The following LGR6 variants were observed in gnomAD, a reference collection of about 807,000 sequenced individuals.
LGR6 encodes leucine-rich repeat-containing G protein-coupled receptor 6.
LGR6 carries 45 observed loss-of-function variants against 69.4 expected under a neutral mutation model. That is an observed-to-expected ratio of 0.65 (90% CI 0.51 to 0.83). The LOEUF (loss-of-function observed/expected upper bound fraction) is 0.83, where lower values mean the gene tolerates loss of function less well. LGR6 is among the 40% of genes least tolerant of loss of function. The pLI, the probability that LGR6 is intolerant of heterozygous loss-of-function variation, is 0.00. For missense variants in LGR6, 1,108 were observed against 1,246.7 expected (o/e 0.89, Z 1.68); for synonymous variants, 538 against 555.0 (o/e 0.97, Z 0.43).
At chr1:202,229,334 C>T (rs1292682034) in intron 3 of LGR6, among the ~76,000 whole-genome samples, 2 of 152,214 alleles carry the variant, frequency 1.3e-5, no homozygotes, top group African/African-American at 2.4e-5. Context: ...CCCTGCCTCT[C>T]AGTTCTGCTT....
At position 202,319,161 on chromosome 1, in the gene LGR6, G is replaced by T. The variant is rs140962939; in HGVS notation, c.2858G>T (p.Gly953Val). 3 of 1,613,154 alleles carry T rather than the reference G, an allele frequency of 1.9e-6. No individual in the cohort carries two copies. Among genetic ancestry groups the T allele is most frequent in the Non-Finnish European group, 1.7e-6 (2 of 1,179,586 alleles). ...CCAGCAGGTGGAGGCTTGTCAGGGG[G>T]TGGCGGCTTTCAGCCCTCTGGCTTG... ...STPAGGGLSG[G>V]GGFQPSGLAF... The change falls in exon 18 of 18, where the codon GGT (glycine) becomes GTT (valine). Residue 953 changes from glycine (G) to valine (V), a missense_variant. Coordinates refer to ENST00000367278, the MANE Select transcript of LGR6 (RefSeq NM_001017403.2).
chr1:202,319,480 T>C lies in LGR6; in HGVS notation c.*273T>C, dbSNP rs1654459780. ...AGCTGTGGACCAGAGACCTGGACTT[T>C]TGTCTGCTTAAGGGAAATGAGGGAA... On this transcript the variant is annotated 3_prime_UTR_variant, in exon 18 of 18. Coordinates refer to ENST00000367278, the MANE Select transcript of LGR6 (RefSeq NM_001017403.2). 4.8e-6 allele frequency: 2 copies of C among 416,404 alleles called. No homozygotes were observed. The highest frequency in any genetic ancestry group is 5.0e-5 in the South Asian group (1 of 20,172). The allele number at this position is 416,404 out of a possible 1,614,324, so 25.8% of individuals were successfully genotyped here. A position where few individuals can be genotyped will look rare whatever the true frequency, so the allele number is the denominator to read the frequency against.
chr1:202,247,019 C>G (rs558211245), intron 4 of LGR6, among the ~76,000 whole-genome samples: 1 of 152,210 alleles, frequency 6.6e-6, no homozygotes, highest in Middle Eastern at 3.2e-3. Flanking sequence ...TGTGAGGGAC[C>G]CTTGAGGTCT....
intron 16 of LGR6, 114 bp from the exon 17 acceptor site, chr1:202,314,688 C>G: frequency 2.7e-6 from 2 of 735,178 alleles, no homozygotes; most frequent in African/African-American, 1.7e-5. Context: ...CTAGAATGAA[C>G]AGTGCTGAGC....
At chr1:202,297,790 G>C (rs1667274609) in intron 7 of LGR6, among the ~76,000 whole-genome samples, 1 of 152,002 alleles carries the variant, frequency 6.6e-6, no homozygotes, top group Non-Finnish European at 1.5e-5. Context: ...ACTTCCTGGG[G>C]GTGTGTCAAT....
chr1:202,198,291 T>C (rs1213291021), intron 1 of LGR6, among the ~76,000 whole-genome samples: 1 of 152,220 alleles, frequency 6.6e-6, no homozygotes, highest in African/African-American at 2.4e-5. Flanking sequence ...TTACTAACTA[T>C]GTAACCCCCA....
rs58243962 is a variant in LGR6 at position 202,295,327 on chromosome 1, CAAAAAAA to C, written c.717-2165_717-2159del. Among the ~76,000 whole-genome samples the C allele has an allele frequency of 1.5e-4, 7 of 45,560 alleles. No individual in the cohort carries two copies. In the South Asian group the frequency reaches 3.2e-3, roughly 21 times the overall value. 29.9% of individuals were successfully genotyped at this position (45,560 alleles called of 152,430 possible). Reference sequence around the variant, plus strand: ...CAGGCGACAGAGCAAGACTCCATCTCAAAAAAAAAAAAAAAAAAAAAAGACTTTTCAA... The same window carrying C: ...CAGGCGACAGAGCAAGACTCCATCTCAAAAAAAAAAAAAAAGACTTTTCAA... On this transcript the variant is annotated intron_variant, in intron 6 of 17. Transcript: ENST00000367278.
At chr1:202,266,121 AAT>A (rs1181474686) in intron 4 of LGR6, among the ~76,000 whole-genome samples, 3 of 151,778 alleles carry the variant, frequency 2.0e-5, no homozygotes, top group South Asian at 2.1e-4. Context: ...AAAAAAAAAA[AAT>A]AACAGGCAGC....
chr1:202,315,735 C>T (rs1654092669), intron 17 of LGR6, among the ~76,000 whole-genome samples: 1 of 152,244 alleles, frequency 6.6e-6, no homozygotes, highest in African/African-American at 2.4e-5. Context: ...AGAGTGATTG[C>T]CTGGCCTTGC....
chr1:202,197,897 G>A (rs1658700799), intron 1 of LGR6, among the ~76,000 whole-genome samples: 1 of 152,186 alleles, frequency 6.6e-6, no homozygotes, highest in South Asian at 2.1e-4. Context: ...AACAGATGGT[G>A]CCAGAAAAGG....
At position 202,193,872 on chromosome 1, in the gene LGR6, C is replaced by T. The variant is rs1658527722; in HGVS notation, c.-118C>T. The T allele has an allele frequency of 4.0e-6, 2 of 496,406 alleles. No homozygotes were observed. The highest frequency in any genetic ancestry group is 5.0e-5 in the East Asian group (1 of 19,920). The allele number at this position is 496,406 out of a possible 1,614,324, so 30.8% of individuals were successfully genotyped here. A position where few individuals can be genotyped will look rare whatever the true frequency, so the allele number is the denominator to read the frequency against. ...CCGCCGCCGCCGCCGCCCAATAGAGCCCCTGGGGCGGTCCCCACCGACGGT... is the reference window on the plus strand; with the variant it reads ...CCGCCGCCGCCGCCGCCCAATAGAGTCCCTGGGGCGGTCCCCACCGACGGT... On this transcript the variant is annotated 5_prime_UTR_variant, in exon 1 of 18. Coordinates refer to ENST00000367278, the MANE Select transcript of LGR6 (RefSeq NM_001017403.2).
intron 4 of LGR6, among the ~76,000 whole-genome samples, chr1:202,270,266 G>A (rs1039444187): frequency 2.0e-5 from 3 of 151,190 alleles, no homozygotes; most frequent in African/African-American, 4.9e-5. Flanking sequence ...TTTTGAGACA[G>A]AGTTTTGCTC....
intron 1 of LGR6, 49 bp from the exon 2 acceptor site, chr1:202,225,374 G>T: frequency 6.4e-7 from 1 of 1,554,310 alleles, no homozygotes; most frequent in South Asian, 1.1e-5. Flanking sequence ...AGTGCCAGAT[G>T]GCCCAAGTGG....
At chr1:202,206,335 G>C (rs770055583) in intron 1 of LGR6, among the ~76,000 whole-genome samples, 1 of 152,186 alleles carries the variant, frequency 6.6e-6, no homozygotes, top group Non-Finnish European at 1.5e-5. Context: ...GGGCCGATGA[G>C]AGCTCAGGAC....
intron 1 of LGR6, among the ~76,000 whole-genome samples, chr1:202,196,847 T>C (rs1011760291): frequency 9.2e-5 from 14 of 152,090 alleles, no homozygotes; most frequent in African/African-American, 3.4e-4. Flanking sequence ...AAGAGAGCTG[T>C]GTGCTGGGGA....
chr1:202,316,902 C>G (rs374328331), intron 17 of LGR6, among the ~76,000 whole-genome samples: 1 of 152,050 alleles, frequency 6.6e-6, no homozygotes, highest in African/African-American at 2.4e-5. Flanking sequence ...ATGGAAAACA[C>G]CAGGATCTCA....
In LGR6 at chr1:202,268,967, G is replaced by A. The variant is rs1664885815; in HGVS notation, c.429-7339G>A. 6.6e-6 allele frequency among the ~76,000 whole-genome samples: 1 copy of A among 152,136 alleles called. No homozygotes were observed. Among genetic ancestry groups the A allele is most frequent in the Non-Finnish European group, 1.5e-5 (1 of 68,024 alleles). ...GTTGCCCAGGCTGGAGTGAAGTGGT[G>A]TGAACACAGCTCACTGCAGCCTCGA... On this transcript the variant is annotated intron_variant, in intron 4 of 17. Coordinates refer to ENST00000367278, the MANE Select transcript of LGR6 (RefSeq NM_001017403.2). The surrounding 1 kb of genome is among the most constrained non-coding windows in gnomAD (Gnocchi z 4.4).
intron 4 of LGR6, among the ~76,000 whole-genome samples, chr1:202,266,926 A>C (rs1664717852): frequency 6.6e-6 from 1 of 151,878 alleles, no homozygotes; most frequent in African/African-American, 2.4e-5. Context: ...ACACAATCAC[A>C]ATTGATTATT....
In LGR6 at chr1:202,315,286, C is replaced by T. The variant is rs182648355; in HGVS notation, c.1648+404C>T. On this transcript the variant is annotated intron_variant, in intron 17 of 17. Coordinates refer to ENST00000367278, the MANE Select transcript of LGR6 (RefSeq NM_001017403.2). ...AGCCAGGTGGGACTCCAACAGGTCA[C>T]CTTCTCCATCCCTCCCTGCTCCATC... Among the ~76,000 whole-genome samples, 207 of 152,302 alleles carry T rather than the reference C, an allele frequency of 1.4e-3. 1 individual carries two copies. Among genetic ancestry groups the T allele is most frequent in the African/African-American group, 4.9e-3 (202 of 41,570 alleles).
Sources: allele counts gnomAD v4.1 joint callset (sites outside exome capture counted in the v4.1 genomes callset), GRCh38; gene constraint gnomAD v4.1.1; non-coding constraint Gnocchi (gnomAD v3.1); transcripts MANE v1.5; gene names NCBI Gene and HGNC (gene_info 2026-07-23, HGNC 2026-07-21).